The following TMEM273 variants were observed in gnomAD, a reference collection of about 807,000 sequenced individuals.
TMEM273 encodes the protein transmembrane protein 273, also known as chromosome 10 open reading frame 128.
In TMEM273, 19 loss-of-function variants were observed where a neutral mutation model predicts 17.9. The observed-to-expected ratio is 1.06, with a 90% confidence interval of 0.74 to 1.55. The LOEUF is 1.55. Ranked by LOEUF, TMEM273 falls within the 40% of genes most tolerant of loss-of-function variation. TMEM273 has a pLI of 0.00. For missense variants in TMEM273, 194 were observed against 155.6 expected (o/e 1.25, Z -1.31); for synonymous variants, 66 against 62.0 (o/e 1.07, Z -0.31).
chr10:49,186,042 G>GAAGAAGAGGAAA, intron 1 of TMEM273, among the ~76,000 whole-genome samples: 1 of 148,880 alleles, frequency 6.7e-6, no homozygotes, highest in Admixed American at 6.8e-5. Context: ...AGAAAAAGAA[G>GAAGAAGAGGAAA]AAGAAGAAGA....
intron 5 of TMEM273, among the ~76,000 whole-genome samples, chr10:49,163,173 C>A (rs1247461412): frequency 6.6e-6 from 1 of 152,176 alleles, no homozygotes; most frequent in Non-Finnish European, 1.5e-5. Context: ...CAGCATGGAA[C>A]TCTACTCTCC....
chr10:49,186,391 T>C (rs1847732448), intron 1 of TMEM273, among the ~76,000 whole-genome samples: 1 of 152,218 alleles, frequency 6.6e-6, no homozygotes, highest in Admixed American at 6.5e-5. Flanking sequence ...TTTACCATAT[T>C]ATTTCATCAG....
rs371599142 is a variant in TMEM273 at position 49,184,727 on chromosome 10, CACG to C, written c.43+3564_43+3566del. Reference sequence around the variant, plus strand: ...CAATATCCAACAAAAGGAGAATTGACACGACATTTCCCCTGCCAGGGGTGTCTG... The same window carrying C: ...CAATATCCAACAAAAGGAGAATTGACACATTTCCCCTGCCAGGGGTGTCTG... On this transcript the variant is annotated intron_variant, in intron 1 of 6. Transcript: ENST00000374153. Among the ~76,000 whole-genome samples, 690 of 152,312 alleles carry C rather than the reference CACG, an allele frequency of 4.5e-3. 4 individuals carry two copies. Among genetic ancestry groups the C allele is most frequent in the African/African-American group, 0.015 (617 of 41,560 alleles).
At chr10:49,164,625 A>G (rs1846049045) in intron 5 of TMEM273, among the ~76,000 whole-genome samples, 2 of 152,188 alleles carry the variant, frequency 1.3e-5, no homozygotes, top group African/African-American at 4.8e-5. Context: ...ATATCGTCAC[A>G]TGAAACACTT....
At chr10:49,180,669 A>G in intron 1 of TMEM273, among the ~76,000 whole-genome samples, 1 of 152,208 alleles carries the variant, frequency 6.6e-6, no homozygotes, top group East Asian at 1.9e-4. Flanking sequence ...AAAAAAATCA[A>G]CAGATGCCAT....
chr10:49,165,104 T>A, intron 5 of TMEM273, 101 bp downstream of exon 5: 2 of 1,418,660 alleles, frequency 1.4e-6, no homozygotes, highest in African/African-American at 2.9e-5. Flanking sequence ...AATAGACAAA[T>A]CAATATATCG....
At chr10:49,176,503 G>C (rs1020321896) in intron 1 of TMEM273, among the ~76,000 whole-genome samples, 1 of 152,224 alleles carries the variant, frequency 6.6e-6, no homozygotes, top group South Asian at 2.1e-4. Context: ...GCTGGAAGCC[G>C]TGCGGAATAA....
chr10:49,172,290 T>G (rs980397469), intron 1 of TMEM273, among the ~76,000 whole-genome samples: 6 of 152,074 alleles, frequency 3.9e-5, no homozygotes, highest in African/African-American at 1.4e-4. Context: ...AAGTGCCCCA[T>G]GAAGGAGCTC....
intron 6 of TMEM273, among the ~76,000 whole-genome samples, chr10:49,157,419 A>T (rs1340424362): frequency 6.6e-6 from 1 of 152,248 alleles, no homozygotes; most frequent in Non-Finnish European, 1.5e-5. Flanking sequence ...GAGCAAGAGC[A>T]TGTTGCATAC....
chr10:49,159,571 T>A (rs1397913747), intron 6 of TMEM273, among the ~76,000 whole-genome samples: 1 of 152,186 alleles, frequency 6.6e-6, no homozygotes, highest in Non-Finnish European at 1.5e-5. Flanking sequence ...AGTGTGTAAT[T>A]TAAATGCACG....
chr10:49,155,697 A>C lies in TMEM273; in HGVS notation c.*195T>G. 1 of 720,940 alleles carries C rather than the reference A, an allele frequency of 1.4e-6. No homozygotes were observed. 44.7% of individuals were successfully genotyped at this position (720,940 alleles called of 1,614,324 possible). ...CCTCTGTGCAGTCCGTTTCTTCCAG[A>C]AGAGGCATGATATTTTCCTTCAGGA... On this transcript the variant is annotated 3_prime_UTR_variant, in exon 7 of 7. Transcript: ENST00000374153.
chr10:49,157,683 G>A (rs1590174604), intron 6 of TMEM273, among the ~76,000 whole-genome samples: 1 of 152,182 alleles, frequency 6.6e-6, no homozygotes, highest in Non-Finnish European at 1.5e-5. Context: ...ACTGATGAAT[G>A]CTCCTTAACA....
chr10:49,166,859 C>T lies in TMEM273; in HGVS notation c.238+10G>A. 1.2e-6 allele frequency: 2 copies of T among 1,613,340 alleles called. No homozygotes were observed. Among genetic ancestry groups the T allele is most frequent in the East Asian group, 2.2e-5 (1 of 44,884 alleles). On this transcript the variant is annotated intron_variant, in intron 3 of 6. Coordinates refer to ENST00000374153, the MANE Select transcript of TMEM273 (RefSeq NM_001288740.3). The stretch of plus-strand genomic sequence containing the variant: ...GGGGCAGAGCCAGGCCCGAGCACCA[C>T]ATCCCTCACCACTGAGGCCCCCAGG...
intron 5 of TMEM273, among the ~76,000 whole-genome samples, chr10:49,161,903 T>C (rs1845868326): frequency 6.6e-6 from 1 of 152,148 alleles, no homozygotes; most frequent in Admixed American, 6.5e-5. Flanking sequence ...ATCAGGGGTA[T>C]AAACTCCCAT....
chr10:49,161,772 T>G (rs1239993356), intron 5 of TMEM273, 150 bp from the exon 6 acceptor site: 2 of 928,648 alleles, frequency 2.2e-6, no homozygotes, highest in East Asian at 5.2e-5. Flanking sequence ...CCATCTAGTG[T>G]TAGTTTTGGA....
chr10:49,160,278 A>C (rs1432147012), intron 6 of TMEM273: 4 of 152,206 alleles, frequency 2.6e-5, no homozygotes. Context: ...TCACTCCCTT[A>C]ACCAAGCAAA....
chr10:49,155,973 T>C (rs1194700744), intron 6 of TMEM273, 64 bp from the exon 7 acceptor site: 3 of 1,612,868 alleles, frequency 1.9e-6, no homozygotes, highest in Non-Finnish European at 2.5e-6. Context: ...AATGATTGCA[T>C]GTGTTTATGC....
At chr10:49,165,920 G>T in intron 3 of TMEM273, 124 bp from the exon 4 acceptor site, 1 of 1,241,408 alleles carries the variant, frequency 8.1e-7, no homozygotes, top group Non-Finnish European at 1.2e-6. Context: ...GAGACCCGGG[G>T]CCTGGCTGCT....
chr10:49,181,416 T>G (rs1028897057), intron 1 of TMEM273, among the ~76,000 whole-genome samples: 1 of 152,304 alleles, frequency 6.6e-6, no homozygotes, highest in East Asian at 1.9e-4. Context: ...AAATCTTTTT[T>G]GAAAAGGAAG....
Sources: gnomAD v4.1 joint callset for allele counts (sites outside exome capture counted in the v4.1 genomes callset) on GRCh38, gnomAD v4.1.1 for gene constraint, MANE v1.5 for transcripts, NCBI Gene and HGNC (gene_info 2026-07-23, HGNC 2026-07-21) for gene names.